The following SEPTIN12 variants were observed in gnomAD, a reference collection of about 807,000 sequenced individuals.
SEPTIN12 encodes septin-12.
Under a neutral mutation model 37.7 loss-of-function variants are expected in SEPTIN12, and 42 were observed. That is an observed-to-expected ratio of 1.11 (90% CI 0.87 to 1.44). The LOEUF (loss-of-function observed/expected upper bound fraction) is 1.44, where lower values mean the gene tolerates loss of function less well. Among genes scored for constraint, SEPTIN12 ranks in the 40% most tolerant of loss-of-function variants. The probability of loss-of-function intolerance (pLI) is 0.00; values close to 1 mark genes in which losing one functional copy is unlikely to be tolerated. For missense variants in SEPTIN12, 613 were observed against 479.2 expected (o/e 1.28, Z -2.61); for synonymous variants, 254 against 196.7 (o/e 1.29, Z -2.44).
chr16:4,780,281 G>C (rs1384886655), intron 7 of SEPTIN12, among the ~76,000 whole-genome samples: 1 of 148,630 alleles, frequency 6.7e-6, no homozygotes, highest in Non-Finnish European at 1.5e-5. Context: ...GTAGAGATGA[G>C]TTCTCTGTGT....
rs1418424957 is a variant in SEPTIN12 at position 4,783,919 on chromosome 16, C to A, written c.512+12G>T. 1.2e-6 allele frequency: 2 copies of A among 1,613,860 alleles called. No individual in the cohort carries two copies. The highest frequency in any genetic ancestry group is 1.3e-5 in the African/African-American group (1 of 74,944). On this transcript the variant is annotated intron_variant, in intron 5 of 9. Transcript: ENST00000268231. ...GCAGGTGGTCCTCGCCTTGCAGGTG[C>A]AGCCCCCTCACCAGTGCCCAGTGGG... is the stretch of plus-strand genomic sequence containing the variant.
chr16:4,779,601 T>A, intron 8 of SEPTIN12, 89 bp downstream of exon 8: 1 of 810,218 alleles, frequency 1.2e-6, no homozygotes, highest in Non-Finnish European at 2.2e-6. Context: ...CACCTTTCTG[T>A]GCCCTGTGAT....
At chr16:4,785,605 C>T (rs1388965541) in intron 4 of SEPTIN12, 7 of 548,160 alleles carry the variant, frequency 1.3e-5, no homozygotes, top group Non-Finnish European at 2.0e-5. Context: ...GAAACCCCAT[C>T]TCAACTAAAA....
upstream of SEPTIN12, among the ~76,000 whole-genome samples, chr16:4,791,672 C>CG (rs2082553267): frequency 6.6e-6 from 1 of 152,024 alleles, no homozygotes; most frequent in African/African-American, 2.4e-5. Flanking sequence ...TGGGACTGGG[C>CG]GGGGCTCTGT....
chr16:4,781,096 C>T (rs6500632), intron 7 of SEPTIN12, among the ~76,000 whole-genome samples: 52,787 of 151,276 alleles, frequency 0.35, 10,529 homozygotes, highest in African/African-American at 0.55. Context: ...CCATCTCTAC[C>T]AAAAAGACAA....
intron 2 of SEPTIN12, 148 bp downstream of exon 2, chr16:4,787,332 T>C (rs1434224428): frequency 5.2e-6 from 4 of 766,700 alleles, no homozygotes; most frequent in Non-Finnish European, 9.0e-6. Flanking sequence ...ATTTCTCAAA[T>C]TTTCAATGAC....
At chr16:4,787,731 C>T (rs1202691973) in intron 1 of SEPTIN12, 64 bp from the exon 2 acceptor site, 4 of 672,040 alleles carry the variant, frequency 6.0e-6, no homozygotes, top group African/African-American at 3.6e-5. Context: ...ATTGACCTCT[C>T]CTATCTGAAC....
At chr16:4,786,793 A>T (rs1044680717) in intron 2 of SEPTIN12, among the ~76,000 whole-genome samples, 3 of 151,994 alleles carry the variant, frequency 2.0e-5, no homozygotes. Flanking sequence ...ATTCAGGTGC[A>T]TGTCACCATG....
In SEPTIN12 at chr16:4,783,749, A is replaced by C. The variant is rs368183018; in HGVS notation, c.530T>G (p.Ile177Ser). ...CCGGCACAGCCGCTGCAGGAACTCA[A>C]TGTCCAGGGGCCGCAGGCTGCCGGA... is the stretch of plus-strand genomic sequence containing the variant. ...PTGHCLRPLD[I>S]EFLQRLCRTV... Residue 177 changes from isoleucine to serine, a missense_variant, in exon 6 of 10, where the codon ATT becomes AGT. By Grantham distance (142) the Ile-to-Ser change is moderately radical. Coordinates refer to ENST00000268231, the MANE Select transcript of SEPTIN12 (RefSeq NM_144605.5). The C allele has an allele frequency of 1.2e-6, 2 of 1,613,504 alleles. No homozygotes were observed. Among genetic ancestry groups the C allele is most frequent in the Non-Finnish European group, 1.7e-6 (2 of 1,179,834 alleles).
intron 7 of SEPTIN12, among the ~76,000 whole-genome samples, chr16:4,781,680 C>T (rs1169041074): frequency 2.0e-5 from 3 of 150,382 alleles, no homozygotes; most frequent in East Asian, 3.9e-4. Flanking sequence ...GGTCTCACTC[C>T]CTTGCCCAGG....
At position 4,786,086 on chromosome 16, in the gene SEPTIN12, C is replaced by A. The variant is rs539861648; in HGVS notation, c.186G>T (p.Lys62Asn). ...IMVVGQSGLGKSTMVNTLFKS... is the reference protein window; with the variant it reads ...IMVVGQSGLGNSTMVNTLFKS... The stretch of plus-strand genomic sequence containing the variant: ...TGAACAGCGTGTTCACCATCGTGGA[C>A]TTGCCCAGCCCGCTTTGCCCTGGGA... Residue 62 changes from lysine (K) to asparagine (N), a missense_variant, in exon 3 of 10, where the codon AAG (lysine) becomes AAT (asparagine). Coordinates refer to ENST00000268231, the MANE Select transcript of SEPTIN12 (RefSeq NM_144605.5). 1 of 1,611,322 alleles carries A rather than the reference C, an allele frequency of 6.2e-7. No homozygotes were observed. The highest frequency in any genetic ancestry group is 1.3e-5 in the African/African-American group (1 of 74,996).
chr16:4,778,226 G>T, intron 8 of SEPTIN12, 89 bp from the exon 9 acceptor site: 2 of 1,351,658 alleles, frequency 1.5e-6, no homozygotes, highest in Non-Finnish European at 2.1e-6. Flanking sequence ...ATTTCCCTTA[G>T]CCCTTTTCCC....
Position 4,781,069 on chromosome 16 carries a change from G to T in SEPTIN12, c.727-1283C>A, listed in dbSNP as rs182345542. ...AGGTCAGGAGATCGAGATCACCCTG[G>T]CTGAAATAGTGAAACCCCATCTCTA... On this transcript the variant is annotated intron_variant, in intron 7 of 9. Coordinates refer to ENST00000268231, the MANE Select transcript of SEPTIN12 (RefSeq NM_144605.5). Among the ~76,000 whole-genome samples, 22 of 152,052 alleles carry T rather than the reference G, an allele frequency of 1.4e-4. No homozygotes were observed. The South Asian group carries it at 1.5e-3, about 10-fold the overall frequency.
intron 7 of SEPTIN12, 133 bp from the exon 8 acceptor site, chr16:4,779,919 A>G (rs2082354936): frequency 1.5e-6 from 1 of 682,500 alleles, no homozygotes; most frequent in African/African-American, 1.8e-5. Context: ...AGTGCACAGA[A>G]TTCCCAAGTT....
rs753393524 is a variant in SEPTIN12 at position 4,786,103 on chromosome 16, G to A, written c.169C>T (p.Gln57Ter). ...GFEFNIMVVG[Q>*]SGLGKSTMVN... is the part of the protein sequence containing the mutation. ...ATCGTGGACTTGCCCAGCCCGCTTTGCCCTGGGAGTGGCAACCGGATGACA... is the reference window on the plus strand; with the variant it reads ...ATCGTGGACTTGCCCAGCCCGCTTTACCCTGGGAGTGGCAACCGGATGACA... Residue 57 changes from glutamine (Q) to a stop codon, truncating the protein, a stop_gained and splice_region_variant, in exon 3 of 10, where the codon CAA (glutamine) becomes TAA (stop). Coordinates refer to ENST00000268231, the MANE Select transcript of SEPTIN12 (RefSeq NM_144605.5). LOFTEE classifies it high-confidence loss of function. The A allele has an allele frequency of 6.2e-7, 1 of 1,600,150 alleles. No individual in the cohort carries two copies. Among genetic ancestry groups the A allele is most frequent in the Non-Finnish European group, 8.5e-7 (1 of 1,171,360 alleles).
At chr16:4,786,227 G>A in intron 2 of SEPTIN12, 122 bp from the exon 3 acceptor site, 2 of 1,251,740 alleles carry the variant, frequency 1.6e-6, no homozygotes, top group Non-Finnish European at 2.2e-6. Flanking sequence ...AGGCTGGAGT[G>A]CAATGATGCA....
At chr16:4,779,046 G>A (rs2082344205) in intron 8 of SEPTIN12, among the ~76,000 whole-genome samples, 1 of 151,908 alleles carries the variant, frequency 6.6e-6, no homozygotes, top group Non-Finnish European at 1.5e-5. Flanking sequence ...GCTGAGACAG[G>A]AGAATCACTT....
At position 4,786,639 on chromosome 16, in the gene SEPTIN12, G is replaced by A. The variant is rs2085332; in HGVS notation, c.167-534C>T. Among the ~76,000 whole-genome samples the A allele has an allele frequency of 3.7e-3, 556 of 152,164 alleles. 1 individual carries two copies. The highest frequency in any genetic ancestry group is 4.3e-3 in the African/African-American group (179 of 41,514). ...CAAAGTGCTGGGATTACAGGCGTGA[G>A]CCACCACACCCGGCCTTGCACTGTT... On this transcript the variant is annotated intron_variant, in intron 2 of 9. Coordinates refer to ENST00000268231, the MANE Select transcript of SEPTIN12 (RefSeq NM_144605.5).
upstream of SEPTIN12, among the ~76,000 whole-genome samples, chr16:4,790,505 G>A (rs1787882552): frequency 1.3e-5 from 2 of 152,102 alleles, no homozygotes; most frequent in South Asian, 4.1e-4. Flanking sequence ...GAGGCTAGGG[G>A]TCAGCCAGGT....
Sources: gnomAD v4.1 joint callset for allele counts (sites outside exome capture counted in the v4.1 genomes callset) on GRCh38, gnomAD v4.1.1 for gene constraint, MANE v1.5 for transcripts, NCBI Gene and HGNC (gene_info 2026-07-23, HGNC 2026-07-21) for gene names.